Variants in GPAM observed in about 807,000 individuals in gnomAD.
GPAM encodes the protein glycerol-3-phosphate acyltransferase 1, mitochondrial.
GPAM carries 56 observed loss-of-function variants against 105.0 expected under a neutral mutation model. That is an observed-to-expected ratio of 0.53 (90% CI 0.43 to 0.67). The LOEUF is 0.67. Among genes scored for constraint, GPAM ranks in the 30% least tolerant of loss-of-function variants. The pLI is 0.00. For synonymous variants in GPAM, 368 were observed against 354.4 expected, an observed-to-expected ratio of 1.04 and a Z score of -0.43; for missense variants, 855 against 989.8, an observed-to-expected ratio of 0.86 and a Z score of 1.83.
chr10:112,166,395 C>T lies in GPAM; in HGVS notation c.1221+7G>A, dbSNP rs780635245. The stretch of plus-strand genomic sequence containing the variant: ...TTCAACATGGTTTCATTTCAACAGA[C>T]ACTCACCTTTAAGGAAAATGGCTGT... On this transcript the variant is annotated splice_region_variant and intron_variant, in intron 12 of 21. Coordinates refer to ENST00000348367, the MANE Select transcript of GPAM (RefSeq NM_001244949.2). The T allele has an allele frequency of 6.2e-6, 9 of 1,458,304 alleles. 1 individual carries two copies. In the South Asian group the frequency reaches 8.0e-5, roughly 13 times the overall value. The allele number at this position is 1,458,304 out of a possible 1,614,324, so 90.3% of individuals were successfully genotyped here.
chr10:112,168,465 A>C lies in GPAM; in HGVS notation c.954T>G (p.Arg318=). Residue 318 remains arginine (R), a synonymous_variant, in exon 11 of 22, where the codon CGT becomes CGG. Transcript: ENST00000348367. ...QFLEIFLEGT[R]SRSGKTSCAR... Reference sequence around the variant, plus strand: ...CACAAGAGGTTTTTCCACTCCTAGAACGTGTGCCTTCCAGGAAGATCTCCA... The same window carrying C: ...CACAAGAGGTTTTTCCACTCCTAGACCGTGTGCCTTCCAGGAAGATCTCCA... 6.2e-7 allele frequency: 1 copy of C among 1,613,136 alleles called. No homozygotes were observed. Among genetic ancestry groups the C allele is most frequent in the African/African-American group, 1.3e-5 (1 of 75,042 alleles).
intron 11 of GPAM, 119 bp downstream of exon 11, chr10:112,168,193 G>T: frequency 1.4e-6 from 1 of 709,488 alleles, no homozygotes. Context: ...ATTTCATACA[G>T]TGCTTTAAAC....
chr10:112,181,833 T>C lies in GPAM; in HGVS notation c.-29-20A>G, dbSNP rs760428910. 9.8e-7 allele frequency: 1 copy of C among 1,025,254 alleles called. No individual in the cohort carries two copies. The allele number at this position is 1,025,254 out of a possible 1,614,324, so 63.5% of individuals were successfully genotyped here. On this transcript the variant is annotated intron_variant, in intron 2 of 21. Transcript: ENST00000348367. ...CATGTGCTATAAAAAATAGGTACCA[T>C]TTAAATTAACAAGGAATCGAGAGAG...
chr10:112,163,604 T>C, intron 14 of GPAM, 97 bp downstream of exon 14: 1 of 719,036 alleles, frequency 1.4e-6, no homozygotes, highest in Non-Finnish European at 2.6e-6. Context: ...TTAATAGAAG[T>C]GGAAACTAAC....
At chr10:112,186,242 CTGAA>C (rs1847594566), upstream of GPAM, among the ~76,000 whole-genome samples, 2 of 151,854 alleles carry the variant, frequency 1.3e-5, no homozygotes, top group African/African-American at 2.4e-5. Context: ...ATCTGAAGTA[CTGAA>C]TGAAGAACCT....
intron 1 of GPAM, among the ~76,000 whole-genome samples, chr10:112,198,588 C>G (rs528271115): frequency 6.6e-6 from 1 of 152,296 alleles, no homozygotes; most frequent in East Asian, 1.9e-4. Flanking sequence ...GTTTGCAGTA[C>G]AGCTATTATG....
At chr10:112,209,827 A>T (rs76325958) in intron 1 of GPAM, among the ~76,000 whole-genome samples, 2,539 of 152,354 alleles carry the variant, frequency 0.017, 58 homozygotes, top group African/African-American at 0.058. Context: ...CTTTCTTTCA[A>T]GACTCATTTT....
chr10:112,211,453 T>G (rs1048198732), intron 1 of GPAM, among the ~76,000 whole-genome samples: 4 of 152,306 alleles, frequency 2.6e-5, no homozygotes, highest in Middle Eastern at 3.4e-3. Context: ...CGGCAAGTAT[T>G]GAGAACTTCC....
chr10:112,202,837 G>C (rs951668625), intron 1 of GPAM, among the ~76,000 whole-genome samples: 1 of 152,310 alleles, frequency 6.6e-6, no homozygotes, highest in East Asian at 1.9e-4. Context: ...CCAGCCTAGA[G>C]AAATCTAAAA....
chr10:112,151,923 T>G lies in GPAM; in HGVS notation c.*1627A>C. 1 of 976,926 alleles carries G rather than the reference T, an allele frequency of 1.0e-6. No individual in the cohort carries two copies. Among genetic ancestry groups the G allele is most frequent in the South Asian group, 4.7e-5 (1 of 21,104 alleles). The allele number at this position is 976,926 out of a possible 1,614,324, so 60.5% of individuals were successfully genotyped here. On this transcript the variant is annotated 3_prime_UTR_variant, in exon 22 of 22. Coordinates refer to ENST00000348367, the MANE Select transcript of GPAM (RefSeq NM_001244949.2). ...TACAACTGACAATGACTTCATGGTA[T>G]ACATCAATTCCTATAAAGAAAAAAT...
upstream of GPAM, among the ~76,000 whole-genome samples, chr10:112,186,493 C>T (rs557064275): frequency 9.9e-5 from 15 of 151,798 alleles, no homozygotes; most frequent in African/African-American, 3.1e-4. Flanking sequence ...ACCACAAATA[C>T]GTAGGTAAAT....
upstream of GPAM, among the ~76,000 whole-genome samples, chr10:112,219,052 G>A (rs577055982): frequency 5.3e-5 from 8 of 152,292 alleles, no homozygotes; most frequent in South Asian, 1.5e-3. Flanking sequence ...TGGGAATTCA[G>A]CCCAGCAGGT....
intron 4 of GPAM, among the ~76,000 whole-genome samples, chr10:112,179,122 C>G (rs1380288698): frequency 3.3e-5 from 5 of 152,128 alleles, no homozygotes; most frequent in Admixed American, 6.5e-5. Context: ...AAATATTATA[C>G]AGTTACCAAT....
At chr10:112,208,131 A>C (rs960032638) in intron 1 of GPAM, among the ~76,000 whole-genome samples, 2 of 152,188 alleles carry the variant, frequency 1.3e-5, no homozygotes, top group Non-Finnish European at 2.9e-5. Context: ...ATTTAATCAC[A>C]GCAGAGCCAA....
chr10:112,155,128 T>C, intron 20 of GPAM: 1 of 203,510 alleles, frequency 4.9e-6, no homozygotes, highest in South Asian at 9.1e-5. Context: ...AGAATTCTGA[T>C]CCCGAGATTA....
At chr10:112,211,033 G>C (rs1253805190) in intron 1 of GPAM, among the ~76,000 whole-genome samples, 2 of 152,248 alleles carry the variant, frequency 1.3e-5, no homozygotes, top group African/African-American at 4.8e-5. Context: ...CAGGTGCTTG[G>C]AGAGGAAGGA....
chr10:112,227,391 C>T, the GPAM span, among the ~76,000 whole-genome samples: 1 of 152,190 alleles, frequency 6.6e-6, no homozygotes, highest in African/African-American at 2.4e-5. Flanking sequence ...TTCCAATTAA[C>T]CTTAGAGCCT....
the GPAM span, among the ~76,000 whole-genome samples, chr10:112,225,905 A>T: frequency 6.6e-6 from 1 of 152,198 alleles, no homozygotes; most frequent in Admixed American, 6.5e-5. Context: ...TTAAATCGAT[A>T]TAATGAATAA....
intron 1 of GPAM, among the ~76,000 whole-genome samples, chr10:112,212,355 T>C (rs1274464948): frequency 2.0e-5 from 3 of 152,254 alleles, no homozygotes; most frequent in South Asian, 2.1e-4. Flanking sequence ...CTCTGCCTCC[T>C]GGGTTCACAC....
Sources: allele counts gnomAD v4.1 joint callset (sites outside exome capture counted in the v4.1 genomes callset), GRCh38; gene constraint gnomAD v4.1.1; transcripts MANE v1.5; gene names NCBI Gene and HGNC (gene_info 2026-07-23, HGNC 2026-07-21).